MID1: variants seen among roughly 807,000 people sequenced by gnomAD.
The protein encoded by MID1 is midline 1, also known as E3 ubiquitin-protein ligase Midline-1.
Under a neutral mutation model 40.4 loss-of-function variants are expected in MID1, and 7 were observed. The observed-to-expected ratio is 0.17, with a 90% CI of 0.10 to 0.33. The LOEUF (loss-of-function observed/expected upper bound fraction) is 0.33, where lower values mean the gene tolerates loss of function less well. MID1 is among the 10% of genes least tolerant of loss of function. The probability of loss-of-function intolerance (pLI) is 1.00; values close to 1 mark genes in which losing one functional copy is unlikely to be tolerated. For missense variants in MID1, 367 were observed against 558.5 expected (o/e 0.66, Z 3.46); for synonymous variants, 229 against 221.2 (o/e 1.04, Z -0.31).
At chrX:10,524,545 T>C (rs1932793147) in intron 2 of MID1, among the ~76,000 whole-genome samples, 1 of 106,407 alleles carries the variant, frequency 9.4e-6, no homozygotes, top group Admixed American at 9.6e-5. Flanking sequence ...TTCATTCATT[T>C]ACTTATGTGT....
rs1361646972 is a variant in MID1, at chrX:10,523,124, C to A, written c.724G>T (p.Ala242Ser). 1 of 1,205,631 alleles carries A rather than the reference C, an allele frequency of 8.3e-7. No homozygotes were observed. The highest frequency in any genetic ancestry group is 3.0e-5 in the East Asian group (1 of 33,730). Reference protein sequence around the residue: ...KRNTELETLLAKLIQTCQHVE... With the variant: ...KRNTELETLLSKLIQTCQHVE... ...TGTTGACAGGTTTGGATGAGTTTAG[C>A]CAAAAGGGTCTCCAGTTCTGTGTTC... The change falls in exon 3 of 10, where the codon GCT (alanine) becomes TCT (serine). Residue 242 changes from alanine to serine, a missense_variant. Coordinates refer to ENST00000317552, the MANE Select transcript of MID1 (RefSeq NM_000381.4).
rs766048515 is a variant in MID1, at chrX:10,579,958, T to C, written c.-56-12355A>G. 8.1e-5 allele frequency among the ~76,000 whole-genome samples: 9 copies of C among 110,451 alleles called. No individual in the cohort carries two copies. The South Asian group carries it at 3.6e-3, about 45-fold the overall frequency. On this transcript the variant is annotated intron_variant, in intron 1 of 9. Transcript: ENST00000317552. ...GATATTAAGAACAGCGTCGGGACTG[T>C]GTGTCTGTACAGAACAAAGCCGGGA... is the stretch of plus-strand genomic sequence containing the variant.
intron 1 of MID1, among the ~76,000 whole-genome samples, chrX:10,822,653 T>C (rs1044571894): frequency 1.8e-5 from 2 of 111,165 alleles, no homozygotes; most frequent in African/African-American, 6.5e-5. Flanking sequence ...AAAAACAAAG[T>C]AAGCAAAGGA....
chrX:10,805,965 G>A (rs1469330978), intron 1 of MID1, among the ~76,000 whole-genome samples: 1 of 108,770 alleles, frequency 9.2e-6, no homozygotes, highest in Non-Finnish European at 1.9e-5. Context: ...GTAGATTCTG[G>A]ATATTAGCCC....
intron 5 of MID1, among the ~76,000 whole-genome samples, chrX:10,476,001 G>C (rs1276631898): frequency 9.0e-6 from 1 of 110,877 alleles, no homozygotes; most frequent in Non-Finnish European, 1.9e-5. Flanking sequence ...TACATCTGTG[G>C]GTATATATCT....
chrX:10,803,352 C>CTTTT (rs757624510), intron 1 of MID1, among the ~76,000 whole-genome samples: 3 of 90,658 alleles, frequency 3.3e-5, no homozygotes, highest in Admixed American at 1.2e-4. Context: ...ACTATATTTT[C>CTTTT]TTTTTTTTTT....
chrX:10,467,962 T>C (rs1226898693), intron 7 of MID1, among the ~76,000 whole-genome samples: 1 of 111,830 alleles, frequency 8.9e-6, no homozygotes, highest in Non-Finnish European at 1.9e-5. Context: ...ATGACATAGC[T>C]GTCCGGTACA....
intron 1 of MID1, among the ~76,000 whole-genome samples, chrX:10,658,718 G>C (rs997196620): frequency 9.0e-6 from 1 of 110,877 alleles, no homozygotes; most frequent in South Asian, 3.9e-4. Flanking sequence ...GCAACCAAGA[G>C]ACATGAGAGG....
At chrX:10,470,141 A>G (rs1371746179) in intron 6 of MID1, among the ~76,000 whole-genome samples, 1 of 112,451 alleles carries the variant, frequency 8.9e-6, no homozygotes, top group African/African-American at 3.2e-5. Context: ...CTTGTCAAAT[A>G]AAAAGTAAAC....
chrX:10,615,011 T>C (rs1005264300), intron 1 of MID1, among the ~76,000 whole-genome samples: 4 of 112,255 alleles, frequency 3.6e-5, no homozygotes, highest in Non-Finnish European at 5.6e-5. Context: ...AATAAATTAC[T>C]ATTTAATAAT....
At chrX:10,681,047 A>AATG in intron 1 of MID1, among the ~76,000 whole-genome samples, 1 of 103,057 alleles carries the variant, frequency 9.7e-6, no homozygotes, top group East Asian at 3.0e-4. Context: ...TAATAATAAT[A>AATG]ATAATAATAA....
At chrX:10,811,408 T>C (rs962315364) in intron 1 of MID1, among the ~76,000 whole-genome samples, 1 of 112,410 alleles carries the variant, frequency 8.9e-6, no homozygotes, top group Non-Finnish European at 1.9e-5. Context: ...TCCATTTAAT[T>C]CCTGTTTTAC....
intron 9 of MID1, among the ~76,000 whole-genome samples, chrX:10,452,758 T>A (rs1569267073): frequency 9.0e-6 from 1 of 111,641 alleles, no homozygotes; most frequent in Non-Finnish European, 1.9e-5. Flanking sequence ...ATTTTAGAAT[T>A]TCTTTTCCCC....
intron 1 of MID1, among the ~76,000 whole-genome samples, chrX:10,703,427 A>G (rs186844797): frequency 8.9e-6 from 1 of 112,112 alleles, no homozygotes; most frequent in Admixed American, 9.5e-5. Context: ...GCACTTAGGG[A>G]GGCTGAGGCG....
At chrX:10,578,802 G>A (rs766752605) in intron 1 of MID1, among the ~76,000 whole-genome samples, 1 of 111,638 alleles carries the variant, frequency 9.0e-6, no homozygotes, top group Non-Finnish European at 1.9e-5. Flanking sequence ...ACAGCGTGAT[G>A]GTAGCAGAAA....
chrX:10,459,094 C>T (rs1928863828), intron 8 of MID1, among the ~76,000 whole-genome samples: 1 of 111,039 alleles, frequency 9.0e-6, no homozygotes, highest in South Asian at 3.9e-4. Context: ...TCATCCCTGG[C>T]CTCTACTCAC....
intron 2 of MID1, among the ~76,000 whole-genome samples, chrX:10,557,639 A>C (rs1934173505): frequency 8.9e-6 from 1 of 112,162 alleles, no homozygotes; most frequent in African/African-American, 3.2e-5. Context: ...TCTGGCTCTA[A>C]AACATTATTT....
chrX:10,748,901 C>CTT (rs2043580214), intron 1 of MID1, among the ~76,000 whole-genome samples: 1 of 111,246 alleles, frequency 9.0e-6, no homozygotes, highest in Non-Finnish European at 1.9e-5. Flanking sequence ...GCAAGATAGT[C>CTT]TTTGGTACTG....
intron 7 of MID1, among the ~76,000 whole-genome samples, chrX:10,460,574 T>C (rs953114328): frequency 9.0e-6 from 1 of 110,995 alleles, no homozygotes; most frequent in East Asian, 2.8e-4. Flanking sequence ...CACCCATCAA[T>C]CTCCACTCCA....
Sources: gnomAD v4.1 joint callset for allele counts (sites outside exome capture counted in the v4.1 genomes callset) on GRCh38, gnomAD v4.1.1 for gene constraint, MANE v1.5 for transcripts, NCBI Gene and HGNC (gene_info 2026-07-23, HGNC 2026-07-21) for gene names.